Variants in RLIG1 observed in about 807,000 individuals in gnomAD.
The protein encoded by RLIG1 is RNA 5'-phosphate and 3'-OH ligase 1, also known as RNA ligase 1.
the RLIG1 span, among the ~76,000 whole-genome samples, chr12:88,039,587 C>A: frequency 6.6e-6 from 1 of 152,088 alleles, no homozygotes; most frequent in Admixed American, 6.5e-5. Context: ...CATGGTATTC[C>A]TTTGCTTCAA....
At chr12:88,042,836 C>A in the RLIG1 span, 1 of 1,507,592 alleles carries the variant, frequency 6.6e-7, no homozygotes, top group Non-Finnish European at 8.8e-7. Flanking sequence ...TCAGCCATAC[C>A]TTTGGGCTCG....
the RLIG1 span, among the ~76,000 whole-genome samples, chr12:88,046,106 A>G: frequency 1.2e-4 from 18 of 152,294 alleles, no homozygotes; most frequent in African/African-American, 4.3e-4. Context: ...TTTCATGGTT[A>G]TTATAGCATC....
At chr12:88,040,885 A>G in the RLIG1 span, among the ~76,000 whole-genome samples, 1 of 152,152 alleles carries the variant, frequency 6.6e-6, no homozygotes, top group Non-Finnish European at 1.5e-5. Flanking sequence ...GGGGCATTAA[A>G]TGGACATCTG....
At chr12:88,039,277 T>C in the RLIG1 span, among the ~76,000 whole-genome samples, 1 of 152,120 alleles carries the variant, frequency 6.6e-6, no homozygotes, top group East Asian at 1.9e-4. Flanking sequence ...ACCACATCCT[T>C]GCTAAGACTC....
At chr12:88,040,066 T>G in the RLIG1 span, 1 of 749,056 alleles carries the variant, frequency 1.3e-6, no homozygotes, top group Admixed American at 2.3e-5. Context: ...CTAATGAAAT[T>G]AAGAAGATTT....
the RLIG1 span, among the ~76,000 whole-genome samples, chr12:88,043,163 T>A: frequency 6.6e-6 from 1 of 152,024 alleles, no homozygotes; most frequent in Admixed American, 6.6e-5. Flanking sequence ...TTGAAATGAG[T>A]GACATTTTGT....
At chr12:88,035,803 T>C in the RLIG1 span, 1 of 1,550,226 alleles carries the variant, frequency 6.5e-7, no homozygotes, top group African/African-American at 1.4e-5. Flanking sequence ...GCTGGCTCAG[T>C]GCGAACCCGG....
At chr12:88,047,025 C>T in the RLIG1 span, 8 of 1,487,580 alleles carry the variant, frequency 5.4e-6, no homozygotes, top group African/African-American at 1.1e-4. Context: ...TATATTCCTA[C>T]AATAGAGTAG....
chr12:88,042,911 A>C, the RLIG1 span: 1 of 1,560,886 alleles, frequency 6.4e-7, no homozygotes, highest in Admixed American at 2.0e-5. Flanking sequence ...TTCAAAAGAA[A>C]ACCCAAAAGG....
chr12:88,046,691 C>T, the RLIG1 span: 1 of 961,804 alleles, frequency 1.0e-6, no homozygotes, highest in Non-Finnish European at 1.5e-6. Context: ...GGAAACCAAC[C>T]AGCCTTTCTA....
the RLIG1 span, chr12:88,046,737 A>G: frequency 7.3e-7 from 1 of 1,369,574 alleles, no homozygotes; most frequent in Non-Finnish European, 1.0e-6. Flanking sequence ...ACTTTATTTG[A>G]AGAGGTACGT....
At chr12:88,037,395 C>T in the RLIG1 span, among the ~76,000 whole-genome samples, 1 of 152,080 alleles carries the variant, frequency 6.6e-6, no homozygotes, top group Non-Finnish European at 1.5e-5. Context: ...ACTTTGTGTA[C>T]CCCTCAGTGT....
the RLIG1 span, chr12:88,049,141 A>AAGTT: frequency 6.8e-5 from 81 of 1,187,360 alleles, 1 homozygote; most frequent in South Asian, 6.6e-4. Flanking sequence ...TTAACTTATA[A>AAGTT]AGTTAATAAA....
the RLIG1 span, chr12:88,035,986 T>G: frequency 6.6e-7 from 1 of 1,514,422 alleles, no homozygotes; most frequent in Non-Finnish European, 8.8e-7. Context: ...AGATTCAAAC[T>G]TGTCCTCGCA....
At chr12:88,042,061 C>T in the RLIG1 span, 4 of 152,160 alleles carry the variant, frequency 2.6e-5, no homozygotes, top group Non-Finnish European at 4.4e-5. Context: ...GACTGTCTCA[C>T]AGTAAGGAGT....
the RLIG1 span, chr12:88,036,085 A>T: frequency 1.5e-4 from 203 of 1,365,728 alleles, 1 homozygote; most frequent in African/African-American, 2.8e-3. Flanking sequence ...TAATTGCCAC[A>T]GTCCAAGCTT....
chr12:88,035,822 G>A, the RLIG1 span: 188 of 1,543,484 alleles, frequency 1.2e-4, no homozygotes, highest in Non-Finnish European at 1.5e-4. Context: ...GGCGAGGGCG[G>A]CTGGGCGCTT....
chr12:88,046,914 G>T, the RLIG1 span: 40 of 1,612,824 alleles, frequency 2.5e-5, no homozygotes, highest in Non-Finnish European at 3.3e-5. Context: ...CTGGTTTGAA[G>T]ATTGCAAAGA....
chr12:88,038,178 G>A, the RLIG1 span, among the ~76,000 whole-genome samples: 3 of 152,224 alleles, frequency 2.0e-5, no homozygotes, highest in Non-Finnish European at 2.9e-5. Context: ...TGAAGTATAC[G>A]GTATAACATC....
Sources: gnomAD v4.1 joint callset for allele counts (sites outside exome capture counted in the v4.1 genomes callset) on GRCh38, gnomAD v4.1.1 for gene constraint, MANE v1.5 for transcripts, NCBI Gene and HGNC (gene_info 2026-07-23, HGNC 2026-07-21) for gene names.